DOCK3: variants seen among roughly 807,000 people sequenced by gnomAD.
DOCK3 encodes dedicator of cytokinesis 3.
Under a neutral mutation model 265.6 loss-of-function variants are expected in DOCK3, and 60 were observed. The ratio of observed to expected loss-of-function variants is 0.23; its 90% CI spans 0.18 to 0.28. DOCK3 has a LOEUF of 0.28. Among genes scored for constraint, DOCK3 ranks in the 10% least tolerant of loss-of-function variants. The pLI is 1.00. For missense variants in DOCK3, 1,981 were observed against 2,594.3 expected (o/e 0.76, Z 5.14); for synonymous variants, 881 against 938.0 (o/e 0.94, Z 1.11).
At position 50,837,655 on chromosome 3, in the gene DOCK3, G is replaced by A. The variant is rs753042337; in HGVS notation, c.122-4020G>A. Among the ~76,000 whole-genome samples, 11 of 152,212 alleles carry A rather than the reference G, an allele frequency of 7.2e-5. No individual in the cohort carries two copies. In the South Asian group the frequency reaches 8.3e-4, roughly 11 times the overall value. On this transcript the variant is annotated intron_variant, in intron 2 of 52. Coordinates refer to ENST00000266037, the MANE Select transcript of DOCK3 (RefSeq NM_004947.5). ...GCCATATTAGTGGGGAAGTGGGTGCGGGAAAACTTCTCTCTTCTGTGTATT... is the reference window on the plus strand; with the variant it reads ...GCCATATTAGTGGGGAAGTGGGTGCAGGAAAACTTCTCTCTTCTGTGTATT...
chr3:50,688,238 A>C (rs2034972958), intron 1 of DOCK3, among the ~76,000 whole-genome samples: 1 of 152,168 alleles, frequency 6.6e-6, no homozygotes, highest in Non-Finnish European at 1.5e-5. Context: ...GGTGGCCTTC[A>C]ATAATTGCTT....
intron 4 of DOCK3, among the ~76,000 whole-genome samples, chr3:50,913,396 G>A (rs1471043435): frequency 6.6e-6 from 1 of 151,978 alleles, no homozygotes; most frequent in African/African-American, 2.4e-5. Flanking sequence ...TTTTGGAGTT[G>A]CAAGCTGTGC....
chr3:51,112,429 T>C (rs1160894347), intron 9 of DOCK3, among the ~76,000 whole-genome samples: 8 of 152,228 alleles, frequency 5.3e-5, no homozygotes, highest in African/African-American at 1.2e-4. Context: ...ACTAGAAAGA[T>C]CACAACAGAA....
chr3:51,307,483 G>A (rs2082748955), intron 27 of DOCK3, among the ~76,000 whole-genome samples: 1 of 152,146 alleles, frequency 6.6e-6, no homozygotes, highest in African/African-American at 2.4e-5. Context: ...GTTAGTTAAT[G>A]ATCAGCTAAT....
At chr3:51,157,730 A>T (rs1379069840) in intron 10 of DOCK3, among the ~76,000 whole-genome samples, 2 of 151,716 alleles carry the variant, frequency 1.3e-5, no homozygotes, top group South Asian at 2.1e-4. Context: ...GGGTTTACAA[A>T]TTAAGAAACA....
chr3:51,330,007 C>T, intron 32 of DOCK3, 131 bp from the exon 33 acceptor site: 1 of 875,616 alleles, frequency 1.1e-6, no homozygotes, highest in Non-Finnish European at 1.8e-6. Flanking sequence ...TACTACCTTC[C>T]CTGGGATTTC....
intron 9 of DOCK3, among the ~76,000 whole-genome samples, chr3:51,126,810 A>G (rs1346928414): frequency 6.6e-6 from 1 of 152,120 alleles, no homozygotes; most frequent in East Asian, 1.9e-4. Context: ...CAGATTTGTC[A>G]CATAGGTAAA....
At chr3:51,255,452 TAA>T (rs889734254) in intron 22 of DOCK3, among the ~76,000 whole-genome samples, 6 of 152,346 alleles carry the variant, frequency 3.9e-5, no homozygotes, top group African/African-American at 1.4e-4. Context: ...GATAATATCC[TAA>T]AGAGTGTTTT....
At chr3:51,261,005 A>G (rs1270653900) in intron 23 of DOCK3, among the ~76,000 whole-genome samples, 2 of 152,122 alleles carry the variant, frequency 1.3e-5, no homozygotes, top group Admixed American at 6.5e-5. Context: ...AGAAAAAAAA[A>G]GAAAATTTAG....
intron 27 of DOCK3, among the ~76,000 whole-genome samples, chr3:51,308,851 C>T (rs2082870703): frequency 6.6e-6 from 1 of 151,906 alleles, no homozygotes; most frequent in Non-Finnish European, 1.5e-5. Context: ...GGCGGAGGGG[C>T]TCCTCACTTC....
intron 2 of DOCK3, among the ~76,000 whole-genome samples, chr3:50,793,931 A>G (rs2042628984): frequency 6.6e-6 from 1 of 152,064 alleles, no homozygotes; most frequent in East Asian, 1.9e-4. Context: ...GGTATATTAT[A>G]TTTTTGTTCT....
Position 51,356,415 on chromosome 3 carries a change from G to T in DOCK3, c.4425G>T (p.Trp1475Cys), listed in dbSNP as rs867855939. ...KDKENEFKSL[W>C]IERTTLTLTH... The stretch of plus-strand genomic sequence containing the variant: ...CTGTTCCCTCCCTACAGAGCCTGTG[G>T]ATTGAACGTACCACACTGACCCTGA... The change falls in exon 43 of 53, where the codon TGG becomes TGT. Residue 1475 changes from tryptophan (W) to cysteine (C), a missense_variant. This residue lies in a region of DOCK3 where 1,357 missense variants were observed against 1,866.8 expected (regional missense o/e 0.73). Transcript: ENST00000266037. The T allele has an allele frequency of 6.2e-7, 1 of 1,613,194 alleles. No homozygotes were observed. The highest frequency in any genetic ancestry group is 8.5e-7 in the Non-Finnish European group (1 of 1,179,790).
intron 10 of DOCK3, among the ~76,000 whole-genome samples, chr3:51,147,772 G>A (rs2085372302): frequency 6.6e-6 from 1 of 152,116 alleles, no homozygotes; most frequent in Non-Finnish European, 1.5e-5. Flanking sequence ...CTAAGTCTTT[G>A]CTATTGTGAA....
At chr3:51,142,798 A>G (rs1038135627) in intron 9 of DOCK3, among the ~76,000 whole-genome samples, 1 of 152,160 alleles carries the variant, frequency 6.6e-6, no homozygotes, top group Non-Finnish European at 1.5e-5. Flanking sequence ...TGTTTTCCAA[A>G]GTGGATGTAC....
chr3:51,061,105 C>T (rs537661056), intron 5 of DOCK3, among the ~76,000 whole-genome samples: 4 of 152,310 alleles, frequency 2.6e-5, no homozygotes, highest in Admixed American at 2.0e-4. Flanking sequence ...CACTTTTACA[C>T]TGTTGGTGGC....
chr3:51,301,869 A>C (rs753099848), intron 27 of DOCK3, among the ~76,000 whole-genome samples: 5 of 152,142 alleles, frequency 3.3e-5, no homozygotes, highest in Non-Finnish European at 7.4e-5. Context: ...TCAATTTTAG[A>C]GTAAGTGCCA....
chr3:50,887,294 C>T (rs1047124854), intron 3 of DOCK3, among the ~76,000 whole-genome samples: 1 of 150,090 alleles, frequency 6.7e-6, no homozygotes, highest in African/African-American at 2.5e-5. Flanking sequence ...ACACATACAC[C>T]CTCCCAAGAC....
intron 12 of DOCK3, among the ~76,000 whole-genome samples, chr3:51,162,991 T>A (rs546178995): frequency 9.9e-5 from 15 of 152,230 alleles, no homozygotes; most frequent in East Asian, 9.6e-4. Flanking sequence ...GTTTGTGAAA[T>A]TGATTTTGTG....
intron 4 of DOCK3, among the ~76,000 whole-genome samples, chr3:50,919,803 G>A (rs2050336748): frequency 6.6e-6 from 1 of 152,180 alleles, no homozygotes; most frequent in Admixed American, 6.5e-5. Flanking sequence ...TAGGAGTGGT[G>A]AGACAGGACA....
Sources: gnomAD v4.1 joint callset for allele counts (sites outside exome capture counted in the v4.1 genomes callset) on GRCh38, gnomAD v4.1.1 for gene constraint, gnomAD v4.1.1 regional missense constraint, MANE v1.5 for transcripts, NCBI Gene and HGNC (gene_info 2026-07-23, HGNC 2026-07-21) for gene names.